The following CXADR variants were observed in gnomAD, a reference collection of about 807,000 sequenced individuals.
CXADR encodes coxsackievirus and adenovirus receptor.
CXADR carries 20 observed loss-of-function variants against 40.3 expected under a neutral mutation model. The observed-to-expected ratio is 0.50, with a 90% CI of 0.35 to 0.72. CXADR has a LOEUF of 0.72. CXADR is among the 30% of genes least tolerant of loss of function. The pLI is 0.01. For missense variants in CXADR, 332 were observed against 449.1 expected (o/e 0.74, Z 2.36); for synonymous variants, 150 against 161.3 (o/e 0.93, Z 0.53).
chr21:17,617,910 C>T, the CXADR span, among the ~76,000 whole-genome samples: 1 of 152,230 alleles, frequency 6.6e-6, no homozygotes, highest in African/African-American at 2.4e-5. Context: ...TAGCATTTTA[C>T]TCACCGTAGA....
chr21:17,586,994 T>A (rs995876041), intron 7 of CXADR, among the ~76,000 whole-genome samples: 49 of 152,160 alleles, frequency 3.2e-4, no homozygotes, highest in Non-Finnish European at 6.0e-4. Flanking sequence ...CGGTGTTTGG[T>A]TTTTTGTCCT....
In CXADR at chr21:17,565,264, T is replaced by C. The variant is rs200481986; in HGVS notation, c.834-164T>C. Among the ~76,000 whole-genome samples, 1,258 of 150,062 alleles carry C rather than the reference T, an allele frequency of 8.4e-3. 71 individuals carry two copies. The East Asian group carries it at 0.16, about 19-fold the overall frequency. ...ACACAATTTATGACGTTATGGCTTG[T>C]GCTTTTTGCTTTTTTGTGACACACA... On this transcript the variant is annotated intron_variant, in intron 6 of 6. Coordinates refer to ENST00000284878, the MANE Select transcript of CXADR (RefSeq NM_001338.5).
intron 7 of CXADR, among the ~76,000 whole-genome samples, chr21:17,581,977 G>A (rs921983126): frequency 2.6e-5 from 4 of 151,722 alleles, no homozygotes; most frequent in Admixed American, 6.6e-5. Context: ...TTCACTCTTC[G>A]TTGCCCAGGC....
At chr21:17,594,434 A>G (rs1328902376), downstream of CXADR, 2 of 1,360,012 alleles carry the variant, frequency 1.5e-6, no homozygotes, top group African/African-American at 1.5e-5. Context: ...CAACACTGAG[A>G]TCACATCTAA....
chr21:17,522,305 C>T (rs898351349), intron 1 of CXADR, among the ~76,000 whole-genome samples: 7 of 149,116 alleles, frequency 4.7e-5, no homozygotes, highest in South Asian at 4.3e-4. Flanking sequence ...TGCACCACCA[C>T]GCCTGGGTAA....
At chr21:17,582,219 C>T (rs560776421) in intron 7 of CXADR, among the ~76,000 whole-genome samples, 1 of 152,256 alleles carries the variant, frequency 6.6e-6, no homozygotes, top group African/African-American at 2.4e-5. Flanking sequence ...ACCATGTAGG[C>T]CAGGCTGGTC....
At chr21:17,551,074 C>T (rs2060960854) in intron 2 of CXADR, among the ~76,000 whole-genome samples, 1 of 151,942 alleles carries the variant, frequency 6.6e-6, no homozygotes, top group African/African-American at 2.4e-5. Context: ...TGGCAAACTA[C>T]AGCCTCAGAG....
At chr21:17,606,425 G>A in the CXADR span, among the ~76,000 whole-genome samples, 8 of 152,116 alleles carry the variant, frequency 5.3e-5, no homozygotes, top group African/African-American at 1.9e-4. Context: ...TTTCTAGTAT[G>A]TAAAATACTG....
chr21:17,586,397 A>G (rs2061396433), intron 7 of CXADR, among the ~76,000 whole-genome samples: 2 of 125,746 alleles, frequency 1.6e-5, no homozygotes, highest in South Asian at 4.8e-4. Flanking sequence ...TATATATATA[A>G]TGTGTATATA....
chr21:17,602,195 A>C, the CXADR span, among the ~76,000 whole-genome samples: 1 of 152,192 alleles, frequency 6.6e-6, no homozygotes, highest in Non-Finnish European at 1.5e-5. Context: ...TTGAGTAGAT[A>C]AGCTGGCATC....
chr21:17,621,931 A>G, the CXADR span, among the ~76,000 whole-genome samples: 16 of 152,256 alleles, frequency 1.1e-4, no homozygotes, highest in Non-Finnish European at 1.8e-4. Context: ...TATAAAGACA[A>G]TAATGGTGTA....
the CXADR span, among the ~76,000 whole-genome samples, chr21:17,614,800 A>G: frequency 6.6e-6 from 1 of 152,154 alleles, no homozygotes; most frequent in East Asian, 1.9e-4. Context: ...ATAGCAAACA[A>G]TGTCTCTTAA....
intron 1 of CXADR, among the ~76,000 whole-genome samples, chr21:17,536,104 T>TC (rs2123195446): frequency 6.6e-6 from 1 of 152,334 alleles, no homozygotes; most frequent in Non-Finnish European, 1.5e-5. Context: ...GAATCATGTA[T>TC]CAGTGTGTAA....
intron 1 of CXADR, among the ~76,000 whole-genome samples, chr21:17,545,072 G>GGTT: frequency 1.8e-5 from 1 of 55,424 alleles, no homozygotes; most frequent in Admixed American, 3.1e-4. Context: ...GCTCTAATGT[G>GGTT]TTTTTTTTTT....
At chr21:17,576,448 G>A (rs2061323068) in intron 7 of CXADR, among the ~76,000 whole-genome samples, 1 of 152,174 alleles carries the variant, frequency 6.6e-6, no homozygotes, top group Non-Finnish European at 1.5e-5. Context: ...CATATGTCAA[G>A]TATACAGGCT....
rs12034 is a variant in CXADR, at chr21:17,569,905, G to A, written c.*4213G>A. On this transcript the variant is annotated 3_prime_UTR_variant, in exon 7 of 7. Coordinates refer to ENST00000284878, the MANE Select transcript of CXADR (RefSeq NM_001338.5). Reference sequence around the variant, plus strand: ...GTGATAAATACACCTGTACTACTGAGGAAAATATTCTGACACTTCACGTGT... The same window carrying A: ...GTGATAAATACACCTGTACTACTGAAGAAAATATTCTGACACTTCACGTGT... The A allele has an allele frequency of 0.59, 583,454 of 984,758 alleles. 180,295 individuals carry two copies. The highest frequency in any genetic ancestry group is 0.63 in the Non-Finnish European group (521,440 of 829,550). The allele number at this position is 984,758 out of a possible 1,614,324, so 61.0% of individuals were successfully genotyped here.
intron 7 of CXADR, among the ~76,000 whole-genome samples, chr21:17,583,144 T>G (rs952986339): frequency 6.6e-6 from 1 of 152,186 alleles, no homozygotes; most frequent in Non-Finnish European, 1.5e-5. Context: ...CAAAGTAAAA[T>G]TAAACAATTA....
chr21:17,597,765 A>C (rs542031482), downstream of CXADR, among the ~76,000 whole-genome samples: 1 of 152,268 alleles, frequency 6.6e-6, no homozygotes, highest in South Asian at 2.1e-4. Flanking sequence ...GTTACACTGA[A>C]ATAATGTTCA....
rs184024912 is a variant in CXADR at position 17,515,717 on chromosome 21, A to C, written c.43+2545A>C. Among the ~76,000 whole-genome samples, 39 of 151,618 alleles carry C rather than the reference A, an allele frequency of 2.6e-4. No homozygotes were observed. The East Asian group carries it at 6.9e-3, about 27-fold the overall frequency. On this transcript the variant is annotated intron_variant, in intron 1 of 6. Coordinates refer to ENST00000284878, the MANE Select transcript of CXADR (RefSeq NM_001338.5). ...GTACCAGCTGAGGCTGAGGCAGGAG[A>C]ATGGCGTGAACCCGGGAGGCGTAGC...
Sources: gnomAD v4.1 joint callset for allele counts (sites outside exome capture counted in the v4.1 genomes callset) on GRCh38, gnomAD v4.1.1 for gene constraint, MANE v1.5 for transcripts, NCBI Gene and HGNC (gene_info 2026-07-23, HGNC 2026-07-21) for gene names.